ELOVL4: variants seen among roughly 807,000 people sequenced by gnomAD.
The protein encoded by ELOVL4 is very long chain fatty acid elongase 4.
ELOVL4 carries 18 observed loss-of-function variants against 42.1 expected under a neutral mutation model. That is an observed-to-expected ratio of 0.43 (90% CI 0.30 to 0.63). The LOEUF (loss-of-function observed/expected upper bound fraction) is 0.63, where lower values mean the gene tolerates loss of function less well. Ranked by LOEUF, ELOVL4 falls within the 30% of genes least tolerant of loss-of-function variation. ELOVL4 has a pLI of 0.15. For synonymous variants in ELOVL4, 117 were observed against 127.0 expected, an observed-to-expected ratio of 0.92 and a Z score of 0.53; for missense variants, 299 against 376.2, an observed-to-expected ratio of 0.79 and a Z score of 1.70.
chr6:79,929,123 T>C (rs578073360), intron 1 of ELOVL4, among the ~76,000 whole-genome samples: 4 of 133,386 alleles, frequency 3.0e-5, no homozygotes, highest in Non-Finnish European at 6.2e-5. Flanking sequence ...TGAACCAGAT[T>C]AGTGCTTCTC....
intron 1 of ELOVL4, among the ~76,000 whole-genome samples, chr6:79,943,382 C>A (rs1774678782): frequency 6.6e-6 from 1 of 152,142 alleles, no homozygotes; most frequent in South Asian, 2.1e-4. Context: ...CAAGCTGTTC[C>A]CCTTGCCTTT....
Position 79,919,638 on chromosome 6 carries a change from T to A in ELOVL4, c.542-91A>T, listed in dbSNP as rs1424308769. The A allele has an allele frequency of 5.2e-6, 6 of 1,144,966 alleles. No individual in the cohort carries two copies. In the African/African-American group the frequency reaches 6.2e-5, roughly 12 times the overall value. 70.9% of individuals were successfully genotyped at this position (1,144,966 alleles called of 1,614,324 possible). A position where few individuals can be genotyped will look rare whatever the true frequency, so the allele number is the denominator to read the frequency against. ...GTACAATAAATGAATACACATTATTTTTTAATATTTAATCTTGAGTACAGA... is the reference window on the plus strand; with the variant it reads ...GTACAATAAATGAATACACATTATTATTTAATATTTAATCTTGAGTACAGA... On this transcript the variant is annotated intron_variant, in intron 4 of 5. Transcript: ENST00000369816.
At chr6:79,941,634 G>A (rs993083330) in intron 1 of ELOVL4, among the ~76,000 whole-genome samples, 5 of 152,072 alleles carry the variant, frequency 3.3e-5, no homozygotes, top group Admixed American at 2.0e-4. Flanking sequence ...GGCTGAGGTG[G>A]GCAGATCACA....
chr6:79,920,570 G>C (rs751155770), intron 4 of ELOVL4, among the ~76,000 whole-genome samples: 13 of 152,048 alleles, frequency 8.5e-5, no homozygotes, highest in Non-Finnish European at 1.3e-4. Flanking sequence ...TTGGGGATAG[G>C]ACTCAGGTCT....
chr6:79,920,736 C>T (rs780570075), intron 4 of ELOVL4, among the ~76,000 whole-genome samples: 1 of 152,152 alleles, frequency 6.6e-6, no homozygotes, highest in Non-Finnish European at 1.5e-5. Context: ...TGTTTGGCAT[C>T]AACATTATGC....
intron 1 of ELOVL4, among the ~76,000 whole-genome samples, chr6:79,939,231 T>C (rs1774598968): frequency 6.6e-6 from 1 of 152,138 alleles, no homozygotes; most frequent in Non-Finnish European, 1.5e-5. Context: ...ACTAAAGAGA[T>C]CATTTCTACA....
At chr6:79,937,251 A>G (rs191562230) in intron 1 of ELOVL4, among the ~76,000 whole-genome samples, 1 of 152,322 alleles carries the variant, frequency 6.6e-6, no homozygotes, top group East Asian at 1.9e-4. Flanking sequence ...GAAAGAATGG[A>G]GGACAGAGTT....
intron 1 of ELOVL4, among the ~76,000 whole-genome samples, chr6:79,933,755 C>T (rs1440624337): frequency 1.3e-5 from 2 of 152,148 alleles, no homozygotes; most frequent in Non-Finnish European, 2.9e-5. Flanking sequence ...TGAGCTCCCC[C>T]AGGTGATTCT....
intron 2 of ELOVL4, among the ~76,000 whole-genome samples, chr6:79,925,917 C>G (rs71565059): frequency 6.6e-6 from 1 of 151,912 alleles, no homozygotes. Flanking sequence ...GTGGGGAAAA[C>G]GAGGCTAAGA....
intron 1 of ELOVL4, among the ~76,000 whole-genome samples, chr6:79,936,947 T>G (rs1464404004): frequency 1.3e-5 from 2 of 152,204 alleles, no homozygotes; most frequent in Admixed American, 6.5e-5. Flanking sequence ...AACCCCTATG[T>G]ACTCAAAAAA....
At chr6:79,924,873 A>T (rs1192109794) in intron 3 of ELOVL4, 79 bp downstream of exon 3, 2 of 898,746 alleles carry the variant, frequency 2.2e-6, no homozygotes, top group Non-Finnish European at 1.9e-6. Flanking sequence ...AAAAAAAAGT[A>T]CATTCTATAT....
chr6:79,916,400 TA>T lies in ELOVL4; in HGVS notation c.*207del, dbSNP rs3841154. 27 of 597,116 alleles carry T rather than the reference TA, an allele frequency of 4.5e-5. No individual in the cohort carries two copies. The highest frequency in any genetic ancestry group is 4.6e-4 in the Middle Eastern group (1 of 2,174). 37.0% of individuals were successfully genotyped at this position (597,116 alleles called of 1,614,324 possible). A position where few individuals can be genotyped will look rare whatever the true frequency, so the allele number is the denominator to read the frequency against. On this transcript the variant is annotated 3_prime_UTR_variant, in exon 6 of 6. Coordinates refer to ENST00000369816, the MANE Select transcript of ELOVL4 (RefSeq NM_022726.4). ...TCTGGAGAATATCAAGGCTAATTTT[TA>T]AAAAAAATGTTTAAAATAAAAACTT...
At chr6:79,919,575 G>A (rs752621101) in intron 4 of ELOVL4, 28 bp from the exon 5 acceptor site, 1 of 1,611,010 alleles carries the variant, frequency 6.2e-7, no homozygotes, top group Non-Finnish European at 8.5e-7. Flanking sequence ...GTAATTACAA[G>A]ATACAGAAAA....
Position 79,916,326 on chromosome 6 carries a change from G to A in ELOVL4, c.*282C>T. On this transcript the variant is annotated 3_prime_UTR_variant, in exon 6 of 6. Transcript: ENST00000369816. ...GAAAAATCTCATCCTTTAGACAACT[G>A]GATGTGAACAGGGGGAGAATCCCCA... The A allele has an allele frequency of 2.4e-6, 1 of 408,832 alleles. No homozygotes were observed. The highest frequency in any genetic ancestry group is 2.9e-5 in the South Asian group (1 of 34,514). 25.3% of individuals were successfully genotyped at this position (408,832 alleles called of 1,614,324 possible).
At chr6:79,927,058 A>G (rs191231491) in intron 1 of ELOVL4, among the ~76,000 whole-genome samples, 3 of 152,338 alleles carry the variant, frequency 2.0e-5, no homozygotes, top group Admixed American at 6.5e-5. Context: ...CATAACTTAC[A>G]TATGTGTAAC....
At chr6:79,938,415 C>CT (rs1231724804) in intron 1 of ELOVL4, among the ~76,000 whole-genome samples, 2 of 152,148 alleles carry the variant, frequency 1.3e-5, no homozygotes, top group Admixed American at 1.3e-4. Context: ...TCCCTTGACT[C>CT]TAACAGTTCT....
chr6:79,915,810 G>A lies in ELOVL4; in HGVS notation c.*798C>T, dbSNP rs1294466918. On this transcript the variant is annotated 3_prime_UTR_variant, in exon 6 of 6. Transcript: ENST00000369816. ...ACTATCTTATGATGTTACTAATAAA[G>A]ACATGAGTTGTTTCATGTTTCAATC... 6.8e-6 allele frequency: 1 copy of A among 147,162 alleles called. No individual in the cohort carries two copies. Among genetic ancestry groups the A allele is most frequent in the African/African-American group, 2.6e-5 (1 of 39,196 alleles). The allele number at this position is 147,162 out of a possible 1,614,324, so 9.1% of individuals were successfully genotyped here. A position where few individuals can be genotyped will look rare whatever the true frequency, so the allele number is the denominator to read the frequency against.
chr6:79,939,902 T>G (rs560548087), intron 1 of ELOVL4, among the ~76,000 whole-genome samples: 1 of 152,288 alleles, frequency 6.6e-6, no homozygotes, highest in South Asian at 2.1e-4. Context: ...AGTAACAAGG[T>G]TCATCTATGT....
chr6:79,919,887 C>CT (rs1774223045), intron 4 of ELOVL4, among the ~76,000 whole-genome samples: 2 of 152,080 alleles, frequency 1.3e-5, no homozygotes, highest in South Asian at 4.1e-4. Context: ...CTATTCTTGC[C>CT]TTTAGATGTG....
Sources: gnomAD v4.1 joint callset for allele counts (sites outside exome capture counted in the v4.1 genomes callset) on GRCh38, gnomAD v4.1.1 for gene constraint, MANE v1.5 for transcripts, NCBI Gene and HGNC (gene_info 2026-07-23, HGNC 2026-07-21) for gene names.